LRP2: variants seen among roughly 807,000 people sequenced by gnomAD.
LRP2 encodes the protein LDL receptor related protein 2, also known as low-density lipoprotein receptor-related protein 2.
LRP2 carries 172 observed loss-of-function variants against 531.0 expected under a neutral mutation model. That is an observed-to-expected ratio of 0.32 (90% CI 0.29 to 0.37). The LOEUF (loss-of-function observed/expected upper bound fraction) is 0.37, where lower values mean the gene tolerates loss of function less well. Ranked by LOEUF, LRP2 falls within the 10% of genes least tolerant of loss-of-function variation. The pLI is 1.00. For missense variants in LRP2, 5,167 were observed against 5,868.3 expected (o/e 0.88, Z 3.90); for synonymous variants, 1,992 against 2,027.6 (o/e 0.98, Z 0.47).
chr2:169,318,720 G>C, intron 3 of LRP2, 42 bp downstream of exon 3: 1 of 1,613,716 alleles, frequency 6.2e-7, no homozygotes, highest in Non-Finnish European at 8.5e-7. Flanking sequence ...TGGGTTTTAG[G>C]TGTCCACAAA....
Position 169,146,766 on chromosome 2 carries a change from T to C in LRP2, c.12784A>G (p.Thr4262Ala). The stretch of plus-strand genomic sequence containing the variant: ...TCCTTTGCAATGACTCTCCTATCAG[T>C]CCCATCATATTTTATGGTTTCAATA... ...DVIETIKYDG[T>A]DRRVIAKEAM... The change falls in exon 69 of 79, where the codon ACT (threonine) becomes GCT (alanine). Residue 4262 changes from threonine to alanine, a missense_variant. Physicochemically the swap from Thr to Ala is moderately conservative, Grantham distance 58 (BLOSUM62 0). Coordinates refer to ENST00000649046, the MANE Select transcript of LRP2 (RefSeq NM_004525.3). 1 of 1,613,890 alleles carries C rather than the reference T, an allele frequency of 6.2e-7. No homozygotes were observed. The highest frequency in any genetic ancestry group is 1.1e-5 in the South Asian group (1 of 91,082).
At position 169,272,964 on chromosome 2, in the gene LRP2, G is replaced by A. The variant is rs145709922; in HGVS notation, c.2079C>T (p.Phe693=). 2.8e-3 allele frequency: 4,494 copies of A among 1,613,708 alleles called. 10 individuals are homozygous for A. Among genetic ancestry groups the A allele is most frequent in the Non-Finnish European group, 3.5e-3 (4,129 of 1,179,760 alleles). ...DGLGFRCKCT[F]GFQLDTDERH... is the part of the protein sequence containing the mutation. ...GCTCATCTGTATCCAGTTGGAAGCC[G>A]AATGTGCACTTGCAACGGAAACCCA... The change falls in exon 15 of 79, where the codon TTC becomes TTT. Residue 693 remains phenylalanine (F), a synonymous_variant. Transcript: ENST00000649046.
At chr2:169,328,454 A>AAG (rs1341347958) in intron 1 of LRP2, among the ~76,000 whole-genome samples, 2 of 145,912 alleles carry the variant, frequency 1.4e-5, no homozygotes, top group African/African-American at 5.2e-5. Context: ...AAAAAAAAAA[A>AAG]AAAAAAAAAA....
chr2:169,151,575 G>A (rs923536646), intron 67 of LRP2, among the ~76,000 whole-genome samples: 8 of 152,098 alleles, frequency 5.3e-5, no homozygotes, highest in African/African-American at 1.9e-4. Flanking sequence ...AAAGATGAGT[G>A]GAAACAGCCT....
intron 1 of LRP2, among the ~76,000 whole-genome samples, chr2:169,354,932 G>T (rs1403336918): frequency 6.6e-6 from 1 of 152,160 alleles, no homozygotes; most frequent in African/African-American, 2.4e-5. Context: ...TTATAGCAAA[G>T]GACTAGTGCT....
In LRP2 at chr2:169,246,971, T is replaced by C. The variant is rs1690032803; in HGVS notation, c.2924A>G (p.Asn975Ser). Reference sequence around the variant, plus strand: ...GTCACCGTTAGGATGCGTGGGTTGATTACAGGCGTTAGAACCTGCAAAAGC... The same window carrying C: ...GTCACCGTTAGGATGCGTGGGTTGACTACAGGCGTTAGAACCTGCAAAAGC... The part of the protein sequence containing the change: ...VNIQTGSNAC[N>S]QPTHPNGDCS... The change falls in exon 21 of 79, where the codon AAT (asparagine) becomes AGT (serine). Residue 975 changes from asparagine to serine, a missense_variant. Asn to Ser is a conservative substitution (Grantham distance 46). Coordinates refer to ENST00000649046, the MANE Select transcript of LRP2 (RefSeq NM_004525.3). 6.2e-7 allele frequency: 1 copy of C among 1,614,116 alleles called. No individual in the cohort carries two copies. Among genetic ancestry groups the C allele is most frequent in the Non-Finnish European group, 8.5e-7 (1 of 1,180,022 alleles).
intron 1 of LRP2, among the ~76,000 whole-genome samples, chr2:169,333,425 G>C (rs1574267288): frequency 7.0e-6 from 1 of 142,116 alleles, no homozygotes; most frequent in South Asian, 2.3e-4. Context: ...GTGAAACTAA[G>C]ATGATGTCCA....
At chr2:169,258,035 A>G (rs1330782952) in intron 17 of LRP2, among the ~76,000 whole-genome samples, 1 of 152,078 alleles carries the variant, frequency 6.6e-6, no homozygotes, top group African/African-American at 2.4e-5. Context: ...AGACAAATTC[A>G]TTAAAAAACT....
At chr2:169,295,953 C>T (rs1339812265) in intron 4 of LRP2, among the ~76,000 whole-genome samples, 1 of 152,066 alleles carries the variant, frequency 6.6e-6, no homozygotes, top group African/African-American at 2.4e-5. Context: ...TCTTAATTGA[C>T]TTTGAGTCTC....
chr2:169,339,001 G>T (rs1309801419), intron 1 of LRP2, among the ~76,000 whole-genome samples: 1 of 152,030 alleles, frequency 6.6e-6, no homozygotes, highest in Non-Finnish European at 1.5e-5. Flanking sequence ...TATGGGTCTG[G>T]CATATCAGTA....
At chr2:169,280,282 T>A in intron 11 of LRP2, 68 bp downstream of exon 11, 2 of 1,575,826 alleles carry the variant, frequency 1.3e-6, no homozygotes, top group Admixed American at 1.7e-5. Context: ...CTCTACTCCC[T>A]CTAAAAGTGA....
At chr2:169,254,711 G>A (rs571867165) in intron 19 of LRP2, among the ~76,000 whole-genome samples, 1 of 147,270 alleles carries the variant, frequency 6.8e-6, no homozygotes, top group South Asian at 2.2e-4. Flanking sequence ...ATGTTGTGTT[G>A]TCCTCATGGG....
intron 49 of LRP2, among the ~76,000 whole-genome samples, chr2:169,187,324 C>T (rs1354406034): frequency 6.6e-6 from 1 of 152,056 alleles, no homozygotes; most frequent in Non-Finnish European, 1.5e-5. Context: ...CAAATGCTTT[C>T]AATGAGTACT....
chr2:169,353,694 A>C (rs1685914405), intron 1 of LRP2, among the ~76,000 whole-genome samples: 1 of 152,220 alleles, frequency 6.6e-6, no homozygotes, highest in Non-Finnish European at 1.5e-5. Context: ...ATTTCCTGAC[A>C]AAATAAATGA....
chr2:169,312,885 G>C (rs945857918), intron 3 of LRP2, among the ~76,000 whole-genome samples: 1 of 152,148 alleles, frequency 6.6e-6, no homozygotes, highest in Non-Finnish European at 1.5e-5. Flanking sequence ...CATATTTCTT[G>C]GAGGCTTTGT....
At position 169,150,917 on chromosome 2, in the gene LRP2, C is replaced by T. The variant is rs760003289; in HGVS notation, c.12571G>A (p.Ala4191Thr). The T allele has an allele frequency of 3.7e-6, 6 of 1,613,926 alleles. No homozygotes were observed. The highest frequency in any genetic ancestry group is 5.1e-6 in the Non-Finnish European group (6 of 1,179,960). The stretch of plus-strand genomic sequence containing the variant: ...ACTTACCCTAGTTTGGGATTCACAG[C>T]AATAGCAGCTGGTTGGTCCAGGTCA... Reference protein sequence around the residue: ...STDLDQPAAIAVNPKLGLMFW... With the variant: ...STDLDQPAAITVNPKLGLMFW... Residue 4191 changes from alanine to threonine, a missense_variant, in exon 68 of 79, where the codon GCT (alanine) becomes ACT (threonine). Ala to Thr is a moderately conservative substitution (Grantham distance 58, BLOSUM62 0). Around this residue, in one of 6 missense-constraint regions of LRP2, gnomAD observed 564 missense variants for 747.7 expected, o/e 0.75. Transcript: ENST00000649046.
intron 1 of LRP2, among the ~76,000 whole-genome samples, chr2:169,329,935 C>T (rs1241189883): frequency 6.6e-6 from 1 of 152,238 alleles, no homozygotes; most frequent in Non-Finnish European, 1.5e-5. Context: ...TGAGCTCCGC[C>T]TCCTGTCAGA....
chr2:169,330,989 C>T (rs1044963946), intron 1 of LRP2, among the ~76,000 whole-genome samples: 4 of 152,180 alleles, frequency 2.6e-5, no homozygotes, highest in Non-Finnish European at 5.9e-5. Context: ...GTACCAGCAA[C>T]TTGAAATGAA....
At chr2:169,170,519 A>C (rs1186116623) in intron 59 of LRP2, 32 bp downstream of exon 59, 4 of 1,566,920 alleles carry the variant, frequency 2.6e-6, no homozygotes, top group Non-Finnish European at 3.5e-6. Flanking sequence ...ACAGTACAAA[A>C]TTCTATGGTA....
Sources: gnomAD v4.1 joint callset for allele counts (sites outside exome capture counted in the v4.1 genomes callset) on GRCh38, gnomAD v4.1.1 for gene constraint, gnomAD v4.1.1 regional missense constraint, MANE v1.5 for transcripts, NCBI Gene and HGNC (gene_info 2026-07-23, HGNC 2026-07-21) for gene names.